The following MYCBP2 variants were observed in gnomAD, a reference collection of about 807,000 sequenced individuals.
MYCBP2 encodes the protein MYC binding protein 2, also known as E3 ubiquitin-protein ligase MYCBP2.
Under a neutral mutation model 525.3 loss-of-function variants are expected in MYCBP2, and 120 were observed. The ratio of observed to expected loss-of-function variants is 0.23; its 90% CI spans 0.20 to 0.27. The LOEUF (loss-of-function observed/expected upper bound fraction) is 0.27, where lower values mean the gene tolerates loss of function less well. Among genes scored for constraint, MYCBP2 ranks in the 10% least tolerant of loss-of-function variants. The pLI, the probability that MYCBP2 is intolerant of heterozygous loss-of-function variation, is 1.00. For missense variants in MYCBP2, 4,149 were observed against 5,657.1 expected (o/e 0.73, Z 8.55); for synonymous variants, 1,894 against 1,955.8 (o/e 0.97, Z 0.83).
intron 1 of MYCBP2, among the ~76,000 whole-genome samples, chr13:77,317,157 GGCTGA>G (rs1342058450): frequency 6.6e-6 from 1 of 152,112 alleles, no homozygotes; most frequent in Non-Finnish European, 1.5e-5. Context: ...TCACCATGTT[GGCTGA>G]GCTGGTTTCG....
At chr13:77,155,039 T>C (rs960006654) in intron 46 of MYCBP2, among the ~76,000 whole-genome samples, 2 of 152,088 alleles carry the variant, frequency 1.3e-5, no homozygotes, top group African/African-American at 2.4e-5. Flanking sequence ...ATATTATATT[T>C]ATATCTTTGG....
At position 77,169,733 on chromosome 13, in the gene MYCBP2, G is replaced by A. The variant is rs760251640; in HGVS notation, c.5795-19C>T. The A allele has an allele frequency of 1.7e-5, 27 of 1,588,012 alleles. No individual in the cohort carries two copies. In the South Asian group the frequency reaches 2.8e-4, roughly 16 times the overall value. Reference sequence around the variant, plus strand: ...TCATCAGCTAAAAAAAGGCATAAAAGGCATTAAAACTATAGTCAGAAGGTA... The same window carrying A: ...TCATCAGCTAAAAAAAGGCATAAAAAGCATTAAAACTATAGTCAGAAGGTA... On this transcript the variant is annotated intron_variant, in intron 38 of 82. Coordinates refer to ENST00000544440, the MANE Select transcript of MYCBP2 (RefSeq NM_015057.5).
chr13:77,179,024 G>A (rs1412688367), intron 34 of MYCBP2, among the ~76,000 whole-genome samples: 1 of 152,182 alleles, frequency 6.6e-6, no homozygotes, highest in Non-Finnish European at 1.5e-5. Context: ...CTTAGAAAGT[G>A]CTTCCCAGGA....
chr13:77,223,352 G>A (rs1470584049), intron 20 of MYCBP2, among the ~76,000 whole-genome samples: 2 of 152,042 alleles, frequency 1.3e-5, no homozygotes. Context: ...ACTCCTACCC[G>A]ATTCTTCCTT....
chr13:77,225,882 T>G (rs1425850344), intron 18 of MYCBP2, among the ~76,000 whole-genome samples: 1 of 152,216 alleles, frequency 6.6e-6, no homozygotes, highest in Non-Finnish European at 1.5e-5. Flanking sequence ...ATGGGAAAAT[T>G]TAGTTTCCAT....
In MYCBP2 at chr13:77,083,658, G is replaced by A. The variant is rs572985189; in HGVS notation, c.10876-466C>T. 1.4e-3 allele frequency among the ~76,000 whole-genome samples: 206 copies of A among 152,058 alleles called. 1 individual carries two copies. Among genetic ancestry groups the A allele is most frequent in the African/African-American group, 4.3e-3 (177 of 41,484 alleles). ...ATTAGAAAAAAAAGCTCCTTTCTAC[G>A]CAAATGGACCACAGCTAGGAAAGAG... On this transcript the variant is annotated intron_variant, in intron 62 of 82. Transcript: ENST00000544440.
At chr13:77,105,907 A>C (rs982462728) in intron 55 of MYCBP2, among the ~76,000 whole-genome samples, 1 of 152,174 alleles carries the variant, frequency 6.6e-6, no homozygotes, top group Non-Finnish European at 1.5e-5. Flanking sequence ...TTGGATCCCA[A>C]GTATTAAATT....
At chr13:77,261,402 T>C (rs1277265576) in intron 11 of MYCBP2, 27 bp from the exon 12 acceptor site, 23 of 1,477,546 alleles carry the variant, frequency 1.6e-5, no homozygotes, top group Non-Finnish European at 2.1e-5. Context: ...AAAAAGGAAT[T>C]ATGGTACTTT....
intron 44 of MYCBP2, among the ~76,000 whole-genome samples, chr13:77,159,975 C>A (rs1232947131): frequency 6.6e-6 from 1 of 152,018 alleles, no homozygotes; most frequent in East Asian, 1.9e-4. Flanking sequence ...ACATAAGATG[C>A]CAATGGCTTT....
At position 77,251,131 on chromosome 13, in the gene MYCBP2, T is replaced by G; in HGVS notation, c.2381+20A>C. 1 of 1,609,162 alleles carries G rather than the reference T, an allele frequency of 6.2e-7. No homozygotes were observed. The highest frequency in any genetic ancestry group is 1.3e-5 in the African/African-American group (1 of 75,002). ...AATGTGTTCTGCACATGTTCTTTAG[T>G]AGGAATCATTGTCTCTTACCCTCCG... On this transcript the variant is annotated intron_variant, in intron 15 of 82. Transcript: ENST00000544440.
At position 77,088,896 on chromosome 13, in the gene MYCBP2, T is replaced by C; in HGVS notation, c.10661A>G (p.Glu3554Gly). ...CTGTTTCATTGCTATTTCAAGACCTTCTAGATCATGATGTTGTATAACAAA... is the reference window on the plus strand; with the variant it reads ...CTGTTTCATTGCTATTTCAAGACCTCCTAGATCATGATGTTGTATAACAAA... ...LAFVIQHHDL[E>G]GLEIAMKQAL... Residue 3554 changes from glutamate (E) to glycine (G), a missense_variant, in exon 61 of 83, where the codon GAA becomes GGA. This residue lies in a region of MYCBP2 where 509 missense variants were observed against 789.4 expected (regional missense o/e 0.64). Coordinates refer to ENST00000544440, the MANE Select transcript of MYCBP2 (RefSeq NM_015057.5). 6.8e-6 allele frequency: 11 copies of C among 1,613,338 alleles called. No individual in the cohort carries two copies. Among genetic ancestry groups the C allele is most frequent in the Non-Finnish European group, 9.3e-6 (11 of 1,179,538 alleles).
At chr13:77,282,102 G>A (rs78111222) in intron 3 of MYCBP2, among the ~76,000 whole-genome samples, 203 of 152,168 alleles carry the variant, frequency 1.3e-3, no homozygotes, top group African/African-American at 4.7e-3. Context: ...AGGAGGAGAA[G>A]GCTAAGATGG....
Position 77,056,696 on chromosome 13 carries a change from C to A in MYCBP2, c.13437+290G>T, listed in dbSNP as rs558706632. Among the ~76,000 whole-genome samples the A allele has an allele frequency of 8.5e-5, 13 of 152,318 alleles. No homozygotes were observed. The South Asian group carries it at 2.7e-3, about 32-fold the overall frequency. On this transcript the variant is annotated intron_variant, in intron 79 of 82. Transcript: ENST00000544440. ...TGTCATGTTATGTCAACTGAGCTCT[C>A]TAGTGGTCTGAGAGTAGAGATGCAT...
intron 14 of MYCBP2, among the ~76,000 whole-genome samples, chr13:77,253,274 T>C (rs2071538792): frequency 6.6e-6 from 1 of 151,868 alleles, no homozygotes; most frequent in South Asian, 2.1e-4. Context: ...CCTAGGTATA[T>C]ACCCAAAAGC....
chr13:77,191,791 C>A lies in MYCBP2; in HGVS notation c.3958G>T (p.Asp1320Tyr). ...CCAGCTTGCAGGAGAACAGGCTCAT[C>A]AAACATCATTGCATATTTTTCTCTG... ...AAREKYAMMFDEPVLLQAGWW... is the reference protein window; with the variant it reads ...AAREKYAMMFYEPVLLQAGWW... The change falls in exon 28 of 83, where the codon GAT becomes TAT. Residue 1320 changes from aspartate to tyrosine, a missense_variant. Physicochemically the swap from Asp to Tyr is radical, Grantham distance 160. Transcript: ENST00000544440. 1 of 1,613,992 alleles carries A rather than the reference C, an allele frequency of 6.2e-7. No homozygotes were observed. Among genetic ancestry groups the A allele is most frequent in the Non-Finnish European group, 8.5e-7 (1 of 1,179,944 alleles).
At position 77,078,908 on chromosome 13, in the gene MYCBP2, A is replaced by G. The variant is rs759603735; in HGVS notation, c.11419-19T>C. 2 of 1,586,514 alleles carry G rather than the reference A, an allele frequency of 1.3e-6. No homozygotes were observed. Among genetic ancestry groups the G allele is most frequent in the Non-Finnish European group, 1.7e-6 (2 of 1,155,690 alleles). ...CTTTATTCTGAAATAGACAATTCAC[A>G]ATAGTTAATATGCTATATTCCTGCT... On this transcript the variant is annotated intron_variant, in intron 65 of 82. Coordinates refer to ENST00000544440, the MANE Select transcript of MYCBP2 (RefSeq NM_015057.5).
In MYCBP2 at chr13:77,055,563, T is replaced by C. The variant is rs765129616; in HGVS notation, c.13642A>G (p.Arg4548Gly). 1 of 1,613,380 alleles carries C rather than the reference T, an allele frequency of 6.2e-7. No homozygotes were observed. The highest frequency in any genetic ancestry group is 1.1e-5 in the South Asian group (1 of 90,948). Residue 4548 changes from arginine to glycine, a missense_variant, in exon 80 of 83, where the codon AGA (arginine) becomes GGA (glycine). Arg to Gly is a moderately radical substitution (Grantham distance 125). Around this residue, in one of 21 missense-constraint regions of MYCBP2, gnomAD observed 4 missense variants for 23.0 expected, o/e 0.17. Coordinates refer to ENST00000544440, the MANE Select transcript of MYCBP2 (RefSeq NM_015057.5). Reference sequence around the variant, plus strand: ...CAGTATAATTTATAGCATACCTTTCTGCATTTGTAGCACACATAATATGCA... The same window carrying C: ...CAGTATAATTTATAGCATACCTTTCCGCATTTGTAGCACACATAATATGCA... ...RYAYYVCYKC[R>G]KAYFGGEARC...
chr13:77,256,235 A>G (rs1316058978), intron 14 of MYCBP2, among the ~76,000 whole-genome samples: 2 of 152,088 alleles, frequency 1.3e-5, no homozygotes, highest in African/African-American at 4.8e-5. Context: ...ATGGGAAGAT[A>G]ATATACGCCA....
chr13:77,139,503 CAA>C (rs1382137268), intron 51 of MYCBP2, among the ~76,000 whole-genome samples, 167 bp from the exon 52 acceptor site: 2 of 152,202 alleles, frequency 1.3e-5, no homozygotes, highest in African/African-American at 4.8e-5. Flanking sequence ...AAAAAAGCAG[CAA>C]AGAGTGCCAA....
Sources: allele counts gnomAD v4.1 joint callset (sites outside exome capture counted in the v4.1 genomes callset), GRCh38; gene constraint gnomAD v4.1.1; regional missense constraint gnomAD v4.1.1; transcripts MANE v1.5; gene names NCBI Gene and HGNC (gene_info 2026-07-23, HGNC 2026-07-21).